The following SLC5A11 variants were observed in gnomAD, a reference collection of about 807,000 sequenced individuals.
SLC5A11 encodes sodium/myo-inositol cotransporter 2.
A neutral mutation model predicts 69.8 loss-of-function variants in SLC5A11; 48 were observed. That is an observed-to-expected ratio of 0.69 (90% CI 0.55 to 0.87). The LOEUF (loss-of-function observed/expected upper bound fraction) is 0.87. SLC5A11 is among the 40% of genes least tolerant of loss of function. The probability of loss-of-function intolerance (pLI) is 0.00; values close to 1 mark genes in which losing one functional copy is unlikely to be tolerated. For synonymous variants in SLC5A11, 319 were observed against 342.4 expected (o/e 0.93, Z 0.75); for missense variants, 784 against 866.1 (o/e 0.91, Z 1.19).
intron 5 of SLC5A11, among the ~76,000 whole-genome samples, chr16:24,874,162 T>C (rs1485214100): frequency 2.6e-5 from 4 of 152,300 alleles, no homozygotes; most frequent in Non-Finnish European, 5.9e-5. Flanking sequence ...GTAGCTGATG[T>C]GTTAATTTTC....
chr16:24,869,991 G>C, exon 4 of SLC5A11: 1 of 1,612,706 alleles, frequency 6.2e-7, no homozygotes, highest in Non-Finnish European at 8.5e-7. Flanking sequence ...TTCTGTATCA[G>C]CTTATGAACT....
intron 2 of SLC5A11, 114 bp downstream of exon 3, chr16:24,858,892 C>A: frequency 7.4e-7 from 1 of 1,345,836 alleles, no homozygotes; most frequent in Non-Finnish European, 9.9e-7. Flanking sequence ...GAGGAAGAAA[C>A]TAACACAAGG....
At chr16:24,851,263 A>G (rs2059292189) in intron 1 of SLC5A11, among the ~76,000 whole-genome samples, 1 of 151,396 alleles carries the variant, frequency 6.6e-6, no homozygotes, top group South Asian at 2.1e-4. Context: ...CTGTAATCCC[A>G]GCACTTTGGG....
intron 10 of SLC5A11, among the ~76,000 whole-genome samples, chr16:24,901,228 C>T (rs1173407912): frequency 1.3e-5 from 2 of 152,202 alleles, no homozygotes; most frequent in African/African-American, 2.4e-5. Context: ...TTATTTTATA[C>T]ATGTATTACC....
rs145003812 is a variant in SLC5A11, at chr16:24,861,610, G to A, written c.136-991G>A. Among the ~76,000 whole-genome samples, 46 of 142,512 alleles carry A rather than the reference G, an allele frequency of 3.2e-4. 1 individual carries two copies. The highest frequency in any genetic ancestry group is 1.2e-3 in the African/African-American group (46 of 38,232). 93.5% of individuals were successfully genotyped at this position (142,512 alleles called of 152,430 possible). A position where few individuals can be genotyped will look rare whatever the true frequency, so the allele number is the denominator to read the frequency against. On this transcript the variant is annotated intron_variant, in intron 2 of 15. Transcript: ENST00000347898. ...AAGAGAAAGGAAGGAAGGAAGGGAG[G>A]GAGGAAGGAAGGGAGGGAAAGGGAA...
At chr16:24,847,225 CCTTT>C (rs1174863831) in intron 1 of SLC5A11, among the ~76,000 whole-genome samples, 4 of 145,250 alleles carry the variant, frequency 2.8e-5, no homozygotes, top group African/African-American at 5.1e-5. Flanking sequence ...CCTTTCTTTC[CCTTT>C]CTTTCTCCTT....
intron 2 of SLC5A11, among the ~76,000 whole-genome samples, chr16:24,860,461 AT>A (rs1460631384): frequency 6.6e-6 from 1 of 152,156 alleles, no homozygotes; most frequent in African/African-American, 2.4e-5. Context: ...CGTCTCAAAA[AT>A]AAATAAATAA....
At chr16:24,907,027 C>A in exon 12 of SLC5A11, 1 of 1,613,794 alleles carries the variant, frequency 6.2e-7, no homozygotes, top group Non-Finnish European at 8.5e-7. Context: ...GCCCCCAGGG[C>A]TCCGTGGGCT....
At chr16:24,899,195 G>A (rs980999605) in intron 10 of SLC5A11, among the ~76,000 whole-genome samples, 1 of 152,088 alleles carries the variant, frequency 6.6e-6, no homozygotes. Context: ...TCTCAACATT[G>A]GTTCAATGGG....
At chr16:24,893,882 A>G (rs945200828) in intron 9 of SLC5A11, among the ~76,000 whole-genome samples, 1 of 152,076 alleles carries the variant, frequency 6.6e-6, no homozygotes, top group Non-Finnish European at 1.5e-5. Context: ...AGATTTCTGA[A>G]CTTCTGACCT....
At position 24,884,043 on chromosome 16, in the gene SLC5A11, C is replaced by T. The variant is rs1386074665; in HGVS notation, c.584-8C>T. The T allele has an allele frequency of 6.3e-7, 1 of 1,599,378 alleles. No homozygotes were observed. Among genetic ancestry groups the T allele is most frequent in the Admixed American group, 1.7e-5 (1 of 58,770 alleles). On this transcript the variant is annotated splice_region_variant and splice_polypyrimidine_tract_variant and intron_variant, in intron 7 of 15. Coordinates refer to ENST00000347898, the Ensembl canonical transcript of SLC5A11. Reference sequence around the variant, plus strand: ...CCCTGACCCTCACCTCCGTGCTCATCCCACCAGGTGGCCTGGCTGCTGTGA... The same window carrying T: ...CCCTGACCCTCACCTCCGTGCTCATTCCACCAGGTGGCCTGGCTGCTGTGA...
At chr16:24,859,944 G>T (rs1306250574) in intron 2 of SLC5A11, among the ~76,000 whole-genome samples, 1 of 152,160 alleles carries the variant, frequency 6.6e-6, no homozygotes, top group Non-Finnish European at 1.5e-5. Context: ...GAGGCCAGGA[G>T]TTTGAGACCA....
At chr16:24,901,680 C>T (rs558925515) in intron 10 of SLC5A11, among the ~76,000 whole-genome samples, 5 of 152,252 alleles carry the variant, frequency 3.3e-5, no homozygotes, top group African/African-American at 1.2e-4. Context: ...AGCCAATTAT[C>T]TTCCAAGCGT....
At chr16:24,861,662 A>C (rs993038654) in intron 2 of SLC5A11, among the ~76,000 whole-genome samples, 1 of 143,550 alleles carries the variant, frequency 7.0e-6, no homozygotes, top group Non-Finnish European at 1.5e-5. Context: ...AAGAAAGAAA[A>C]AGAAAGAAAG....
chr16:24,911,165 T>G (rs2050491396), intron 15 of SLC5A11, among the ~76,000 whole-genome samples, 163 bp from the exon 17 acceptor site: 1 of 78,936 alleles, frequency 1.3e-5, no homozygotes, highest in African/African-American at 1.1e-4. Flanking sequence ...TGAGACTCTC[T>G]CAAAAAAAAA....
chr16:24,878,079 G>A (rs1317436723), intron 7 of SLC5A11, among the ~76,000 whole-genome samples: 1 of 151,942 alleles, frequency 6.6e-6, no homozygotes, highest in Non-Finnish European at 1.5e-5. Context: ...CTTGAACCCC[G>A]GTGGGGCGGA....
chr16:24,886,521 T>C (rs2048409277), intron 8 of SLC5A11, among the ~76,000 whole-genome samples: 1 of 141,262 alleles, frequency 7.1e-6, no homozygotes, highest in Admixed American at 7.4e-5. Context: ...CAGAAAAAAA[T>C]GGAACAAAGT....
At position 24,907,949 on chromosome 16, in the gene SLC5A11, G is replaced by A. The variant is rs769830577; in HGVS notation, c.1266-14G>A. ...CAGATGATGCTAATTTGTGCCTCTC[G>A]CCGCCGGCACCAGGGTGTTTGTGCT... On this transcript the variant is annotated splice_polypyrimidine_tract_variant and intron_variant, in intron 12 of 15. Transcript: ENST00000347898. The A allele has an allele frequency of 9.9e-6, 16 of 1,613,302 alleles. No individual in the cohort carries two copies. In the African/African-American group the frequency reaches 1.5e-4, roughly 15 times the overall value.
At chr16:24,905,635 C>CGT (rs1555534376) in intron 10 of SLC5A11, among the ~76,000 whole-genome samples, 8 of 77,130 alleles carry the variant, frequency 1.0e-4, no homozygotes, top group African/African-American at 1.8e-4. Context: ...AACACGCGCG[C>CGT]GCGCGCACAC....
Sources: gnomAD v4.1 joint callset for allele counts (sites outside exome capture counted in the v4.1 genomes callset) on GRCh38, gnomAD v4.1.1 for gene constraint, MANE v1.5 for transcripts, NCBI Gene and HGNC (gene_info 2026-07-23, HGNC 2026-07-21) for gene names.